GRM8: variants seen among roughly 807,000 people sequenced by gnomAD.
GRM8 encodes the protein metabotropic glutamate receptor 8.
Under a neutral mutation model 87.2 loss-of-function variants are expected in GRM8, and 47 were observed. That is an observed-to-expected ratio of 0.54 (90% CI 0.43 to 0.69). GRM8 has a LOEUF of 0.69. GRM8 is among the 30% of genes least tolerant of loss of function. GRM8 has a pLI of 0.00. For synonymous variants in GRM8, 396 were observed against 404.5 expected (o/e 0.98, Z 0.25); for missense variants, 1,019 against 1,139.2 (o/e 0.89, Z 1.52).
chr7:126,943,000 T>C (rs1030590032), intron 3 of GRM8, among the ~76,000 whole-genome samples: 2 of 152,178 alleles, frequency 1.3e-5, no homozygotes, highest in African/African-American at 4.8e-5. Context: ...GGGATCTTAT[T>C]AGAATACAAA....
At chr7:127,159,538 C>T (rs1346688648) in intron 2 of GRM8, among the ~76,000 whole-genome samples, 1 of 151,068 alleles carries the variant, frequency 6.6e-6, no homozygotes, top group East Asian at 1.9e-4. Context: ...GGAATAAATA[C>T]ATGGCAATAA....
At chr7:127,186,986 GT>G (rs1794771512) in intron 2 of GRM8, among the ~76,000 whole-genome samples, 1 of 152,182 alleles carries the variant, frequency 6.6e-6, no homozygotes, top group Non-Finnish European at 1.5e-5. Flanking sequence ...GGCAGTTGGA[GT>G]TATATGAACT....
At chr7:126,556,390 C>T (rs1471985764) in intron 8 of GRM8, among the ~76,000 whole-genome samples, 1 of 141,882 alleles carries the variant, frequency 7.0e-6, no homozygotes, top group East Asian at 2.1e-4. Context: ...CTCATGTCTG[C>T]AATCTCAGCA....
intron 2 of GRM8, among the ~76,000 whole-genome samples, chr7:127,239,841 G>GT (rs1563602068): frequency 6.6e-6 from 1 of 152,158 alleles, no homozygotes; most frequent in Non-Finnish European, 1.5e-5. Flanking sequence ...AGAATCACCT[G>GT]TAAGATGGAC....
chr7:127,186,347 C>G (rs1178572889), intron 2 of GRM8, among the ~76,000 whole-genome samples: 1 of 152,152 alleles, frequency 6.6e-6, no homozygotes, highest in African/African-American at 2.4e-5. Context: ...CACTTTCTAC[C>G]TTGTGTCCAA....
chr7:126,838,424 T>C lies in GRM8; in HGVS notation c.1156+64118A>G, dbSNP rs148841964. Among the ~76,000 whole-genome samples, 1,351 of 152,308 alleles carry C rather than the reference T, an allele frequency of 8.9e-3. 15 individuals are homozygous for C. The highest frequency in any genetic ancestry group is 0.014 in the Non-Finnish European group (944 of 68,030). ...TGAAACTCTGGGGTTTTTGCACTTATATGCAGAGTTTCCTGGAATTAAAGA... is the reference window on the plus strand; with the variant it reads ...TGAAACTCTGGGGTTTTTGCACTTACATGCAGAGTTTCCTGGAATTAAAGA... On this transcript the variant is annotated intron_variant, in intron 6 of 10. Transcript: ENST00000339582.
At chr7:126,499,729 G>T (rs186734068) in intron 9 of GRM8, among the ~76,000 whole-genome samples, 37 of 151,968 alleles carry the variant, frequency 2.4e-4, no homozygotes, top group Admixed American at 1.6e-3. Context: ...ATTTAAAAAC[G>T]TCATAGAAGA....
chr7:127,243,102 C>T lies in GRM8; in HGVS notation c.103G>A (p.Glu35Lys). The T allele has an allele frequency of 6.2e-7, 1 of 1,614,088 alleles. No individual in the cohort carries two copies. The highest frequency in any genetic ancestry group is 8.5e-7 in the Non-Finnish European group (1 of 1,180,008). ...TCCACCCGTATGGAATGGGCATACT[C>T]CTGGCTGTGAGTTCTTTGCATCATT... ...LTMMQRTHSQ[E>K]YAHSIRVDGD... The change falls in exon 2 of 11, where the codon GAG becomes AAG. Residue 35 changes from glutamate (E) to lysine (K), a missense_variant. By Grantham distance (56) the Glu-to-Lys change is moderately conservative. Coordinates refer to ENST00000339582, the MANE Select transcript of GRM8 (RefSeq NM_000845.3).
chr7:126,933,585 G>A (rs528509229), intron 3 of GRM8, among the ~76,000 whole-genome samples: 154 of 152,258 alleles, frequency 1.0e-3, no homozygotes, highest in African/African-American at 3.6e-3. Flanking sequence ...TGGACATACC[G>A]GCTGATAATG....
chr7:126,764,252 G>A (rs1383997479), intron 7 of GRM8, among the ~76,000 whole-genome samples: 6 of 151,912 alleles, frequency 3.9e-5, no homozygotes, highest in Non-Finnish European at 7.4e-5. Context: ...CTCTTGATAA[G>A]AGTAACTATA....
intron 2 of GRM8, among the ~76,000 whole-genome samples, chr7:127,239,727 G>T (rs1320956827): frequency 6.6e-6 from 1 of 152,076 alleles, no homozygotes; most frequent in East Asian, 1.9e-4. Context: ...TATCCCAATT[G>T]CTTTATAATT....
chr7:127,155,892 T>C (rs772809809), intron 2 of GRM8, among the ~76,000 whole-genome samples: 4 of 152,058 alleles, frequency 2.6e-5, no homozygotes, highest in Non-Finnish European at 5.9e-5. Flanking sequence ...CATCTTAACA[T>C]GGAAAACAAC....
chr7:126,494,237 G>A (rs2150657690), intron 9 of GRM8, among the ~76,000 whole-genome samples: 1 of 152,150 alleles, frequency 6.6e-6, no homozygotes, highest in East Asian at 1.9e-4. Context: ...CAACTCTTCT[G>A]ATGCAAGTAG....
chr7:126,553,963 T>C (rs1224869533), intron 8 of GRM8, among the ~76,000 whole-genome samples: 1 of 152,186 alleles, frequency 6.6e-6, no homozygotes, highest in South Asian at 2.1e-4. Flanking sequence ...TTGCTCCCAA[T>C]GTTCATGGTA....
intron 7 of GRM8, among the ~76,000 whole-genome samples, chr7:126,634,378 G>A (rs1432923990): frequency 6.6e-6 from 1 of 152,056 alleles, no homozygotes; most frequent in African/African-American, 2.4e-5. Flanking sequence ...ATTTCTCTGG[G>A]CTTTGCCTTA....
chr7:126,938,659 CTT>C (rs1156288594), intron 3 of GRM8, among the ~76,000 whole-genome samples: 2 of 152,080 alleles, frequency 1.3e-5, no homozygotes, highest in African/African-American at 4.8e-5. Flanking sequence ...CTTGAAAACA[CTT>C]TATCTTAAAA....
chr7:127,244,759 G>C (rs1798497138), intron 1 of GRM8, among the ~76,000 whole-genome samples: 1 of 152,020 alleles, frequency 6.6e-6, no homozygotes, highest in Non-Finnish European at 1.5e-5. Context: ...GCTTCCCTGG[G>C]GGATAACTGA....
chr7:126,461,332 C>A (rs1773560472), intron 9 of GRM8, among the ~76,000 whole-genome samples: 1 of 151,536 alleles, frequency 6.6e-6, no homozygotes, highest in African/African-American at 2.4e-5. Flanking sequence ...ACCTGTAAAT[C>A]CATTTTAGTG....
chr7:127,074,132 C>A (rs1408592808), intron 3 of GRM8, among the ~76,000 whole-genome samples: 1 of 152,136 alleles, frequency 6.6e-6, no homozygotes, highest in Non-Finnish European at 1.5e-5. Flanking sequence ...CAATAGTATC[C>A]TGAATTAATC....
Sources: gnomAD v4.1 joint callset for allele counts (sites outside exome capture counted in the v4.1 genomes callset) on GRCh38, gnomAD v4.1.1 for gene constraint, MANE v1.5 for transcripts, NCBI Gene and HGNC (gene_info 2026-07-23, HGNC 2026-07-21) for gene names.